The following SGPP2 variants were observed in gnomAD, a reference collection of about 807,000 sequenced individuals.
SGPP2 encodes sphingosine-1-phosphate phosphatase 2.
Under a neutral mutation model 33.9 loss-of-function variants are expected in SGPP2, and 30 were observed. The observed-to-expected ratio is 0.89, with a 90% confidence interval of 0.66 to 1.20. SGPP2 has a LOEUF of 1.20. SGPP2 is among the 50% of genes most tolerant of loss of function. The pLI is 0.00. For missense variants in SGPP2, 458 were observed against 532.1 expected, an observed-to-expected ratio of 0.86 and a Z score of 1.37; for synonymous variants, 233 against 225.0, an observed-to-expected ratio of 1.04 and a Z score of -0.32.
chr2:222,532,881 C>A (rs1304679007), intron 4 of SGPP2, among the ~76,000 whole-genome samples: 1 of 152,098 alleles, frequency 6.6e-6, no homozygotes, highest in East Asian at 1.9e-4. Context: ...AAATAAAACA[C>A]AGGGGCCCCA....
chr2:222,510,996 A>G (rs1359717674), intron 2 of SGPP2, among the ~76,000 whole-genome samples: 1 of 152,196 alleles, frequency 6.6e-6, no homozygotes, highest in Non-Finnish European at 1.5e-5. Context: ...TTATTTCAAA[A>G]TATTTTGTTT....
At chr2:222,514,018 G>C (rs1472576709) in intron 2 of SGPP2, among the ~76,000 whole-genome samples, 1 of 152,108 alleles carries the variant, frequency 6.6e-6, no homozygotes, top group Admixed American at 6.5e-5. Context: ...AGCACCTCCT[G>C]TTATATTCTA....
chr2:222,498,165 A>C (rs1187584290), intron 2 of SGPP2: 1 of 151,982 alleles, frequency 6.6e-6, no homozygotes, highest in Non-Finnish European at 1.5e-5. Context: ...TCAACCATCA[A>C]CTCACCCTGA....
intron 1 of SGPP2, among the ~76,000 whole-genome samples, chr2:222,441,090 T>C (rs1697319006): frequency 6.6e-6 from 1 of 152,246 alleles, no homozygotes; most frequent in Non-Finnish European, 1.5e-5. Flanking sequence ...TGAAAAGTTT[T>C]AAAATAGTTA....
At chr2:222,523,654 G>C (rs931748102) in intron 3 of SGPP2, among the ~76,000 whole-genome samples, 3 of 151,774 alleles carry the variant, frequency 2.0e-5, no homozygotes, top group Non-Finnish European at 2.9e-5. Flanking sequence ...TTAGCTAGCT[G>C]TTTGCTCATA....
chr2:222,455,460 C>T (rs1334186220), intron 1 of SGPP2, among the ~76,000 whole-genome samples: 1 of 152,048 alleles, frequency 6.6e-6, no homozygotes, highest in South Asian at 2.1e-4. Flanking sequence ...AAGCAACGGC[C>T]AGAGTGGCTG....
At chr2:222,494,279 G>C (rs891308545) in intron 2 of SGPP2, among the ~76,000 whole-genome samples, 1 of 152,120 alleles carries the variant, frequency 6.6e-6, no homozygotes, top group African/African-American at 2.4e-5. Flanking sequence ...GAAGAAAAAA[G>C]ATTTTTTAAA....
intron 2 of SGPP2, among the ~76,000 whole-genome samples, chr2:222,486,755 C>G (rs1469404167): frequency 6.6e-6 from 1 of 152,068 alleles, no homozygotes; most frequent in African/African-American, 2.4e-5. Context: ...AGATTCGAAC[C>G]AGTAACTCTC....
chr2:222,491,856 AAAAC>A (rs1389895913), intron 2 of SGPP2, among the ~76,000 whole-genome samples: 1 of 152,180 alleles, frequency 6.6e-6, no homozygotes, highest in Non-Finnish European at 1.5e-5. Context: ...AGTAAAATCA[AAAAC>A]AAGTCAGTTC....
At chr2:222,467,823 A>G (rs1485638062) in intron 1 of SGPP2, among the ~76,000 whole-genome samples, 2 of 151,796 alleles carry the variant, frequency 1.3e-5, no homozygotes, top group Admixed American at 6.6e-5. Context: ...GCTGTTTCCA[A>G]TTAAACTGGA....
At chr2:222,467,950 GAAAAAAAAAAAAAAAAAAAAAAAAAA>G (rs61253653) in intron 1 of SGPP2, among the ~76,000 whole-genome samples, 1,751 of 24,900 alleles carry the variant, frequency 0.07, 80 homozygotes, top group African/African-American at 0.1. Context: ...GCTCTAATCT[GAAAAAAAAAAAAAAAAAAAAAAAAAA>G]AAAAAAAAAA....
chr2:222,526,204 C>T (rs2106137367), intron 4 of SGPP2, among the ~76,000 whole-genome samples: 1 of 135,666 alleles, frequency 7.4e-6, no homozygotes, highest in African/African-American at 2.5e-5. Context: ...TACAAAACCC[C>T]ATGATGAGCT....
intron 4 of SGPP2, among the ~76,000 whole-genome samples, chr2:222,545,482 A>ATG (rs1178890521): frequency 6.6e-6 from 1 of 152,072 alleles, no homozygotes; most frequent in Non-Finnish European, 1.5e-5. Flanking sequence ...GGGTTTCACC[A>ATG]TGTTGGCCAG....
chr2:222,536,319 G>A (rs1465335233), intron 4 of SGPP2, among the ~76,000 whole-genome samples: 1 of 152,200 alleles, frequency 6.6e-6, no homozygotes, highest in East Asian at 1.9e-4. Flanking sequence ...TAATTAAAAT[G>A]ATATGAATAG....
intron 1 of SGPP2, among the ~76,000 whole-genome samples, chr2:222,442,668 T>C (rs1559144713): frequency 6.6e-6 from 1 of 152,232 alleles, no homozygotes. Flanking sequence ...TGAGTTTCTT[T>C]TGGCTAAGAA....
At chr2:222,467,255 C>A (rs1034520168) in intron 1 of SGPP2, among the ~76,000 whole-genome samples, 2 of 151,688 alleles carry the variant, frequency 1.3e-5, no homozygotes, top group African/African-American at 4.8e-5. Context: ...ATGCCCAGGT[C>A]ATTCGGATGC....
chr2:222,521,392 G>A (rs1026981055), intron 2 of SGPP2, among the ~76,000 whole-genome samples: 1 of 152,190 alleles, frequency 6.6e-6, no homozygotes, highest in Non-Finnish European at 1.5e-5. Flanking sequence ...CTGTGGATGA[G>A]TGTGCAATGG....
intron 2 of SGPP2, among the ~76,000 whole-genome samples, chr2:222,485,948 C>T (rs902312605): frequency 2.6e-5 from 4 of 152,248 alleles, no homozygotes; most frequent in African/African-American, 9.6e-5. Flanking sequence ...CAAATGCAGT[C>T]TTTAACTTAA....
rs932750478 is a variant in SGPP2, at chr2:222,525,109, C to A, written c.648+76C>A. ...TCAGTGTGTCAATATGTTTCTCATA[C>A]TACTTATTTATAAAATTATTTGCAT... On this transcript the variant is annotated intron_variant, in intron 4 of 4. Transcript: ENST00000321276. 7 of 989,546 alleles carry A rather than the reference C, an allele frequency of 7.1e-6. No homozygotes were observed. The African/African-American group carries it at 9.9e-5, about 14-fold the overall frequency. The allele number at this position is 989,546 out of a possible 1,614,324, so 61.3% of individuals were successfully genotyped here.
Sources: allele counts gnomAD v4.1 joint callset (sites outside exome capture counted in the v4.1 genomes callset), GRCh38; gene constraint gnomAD v4.1.1; transcripts MANE v1.5; gene names NCBI Gene and HGNC (gene_info 2026-07-23, HGNC 2026-07-21).